The following SLC44A5 variants were observed in gnomAD, a reference collection of about 807,000 sequenced individuals.
SLC44A5 encodes choline transporter-like protein 5.
SLC44A5 carries 57 observed loss-of-function variants against 101.8 expected under a neutral mutation model. That is an observed-to-expected ratio of 0.56 (90% CI 0.45 to 0.70). The LOEUF (loss-of-function observed/expected upper bound fraction) is 0.70, where lower values mean the gene tolerates loss of function less well. Ranked by LOEUF, SLC44A5 falls within the 30% of genes least tolerant of loss-of-function variation. The probability of loss-of-function intolerance (pLI) is 0.00; values close to 1 mark genes in which losing one functional copy is unlikely to be tolerated. For missense variants in SLC44A5, 737 were observed against 853.1 expected, an observed-to-expected ratio of 0.86 and a Z score of 1.70; for synonymous variants, 281 against 290.9, an observed-to-expected ratio of 0.97 and a Z score of 0.35.
chr1:75,538,441 A>C (rs1284329089), intron 2 of SLC44A5, among the ~76,000 whole-genome samples: 1 of 152,204 alleles, frequency 6.6e-6, no homozygotes, highest in African/African-American at 2.4e-5. Context: ...CTCTGGAAAT[A>C]CTACTTACAA....
intron 2 of SLC44A5, among the ~76,000 whole-genome samples, chr1:75,474,841 T>A (rs1243387218): frequency 6.6e-6 from 1 of 152,222 alleles, no homozygotes. Flanking sequence ...ATATAACTGC[T>A]CTTTTCATAT....
intron 14 of SLC44A5, among the ~76,000 whole-genome samples, chr1:75,222,010 A>T (rs1355011521): frequency 1.4e-5 from 2 of 142,808 alleles, no homozygotes; most frequent in Non-Finnish European, 3.0e-5. Flanking sequence ...CCCAGGCTGG[A>T]GTGCAATGTC....
At chr1:75,655,115 T>C in the SLC44A5 span, among the ~76,000 whole-genome samples, 1 of 152,196 alleles carries the variant, frequency 6.6e-6, no homozygotes, top group Non-Finnish European at 1.5e-5. Flanking sequence ...CTAATGCTTC[T>C]GTTATCTTAT....
intron 2 of SLC44A5, among the ~76,000 whole-genome samples, chr1:75,438,410 G>C (rs1570277059): frequency 6.6e-6 from 1 of 152,142 alleles, no homozygotes; most frequent in East Asian, 1.9e-4. Context: ...AAGAACTGCT[G>C]GGTTTGCAGA....
At chr1:75,514,803 C>T (rs960687911) in intron 2 of SLC44A5, among the ~76,000 whole-genome samples, 1 of 152,110 alleles carries the variant, frequency 6.6e-6, no homozygotes, top group Non-Finnish European at 1.5e-5. Context: ...TTTTGGGGTA[C>T]CTGTTAAGAC....
chr1:75,376,707 A>G (rs1422443664), intron 3 of SLC44A5, among the ~76,000 whole-genome samples: 1 of 152,128 alleles, frequency 6.6e-6, no homozygotes, highest in African/African-American at 2.4e-5. Context: ...GACCAAAAGT[A>G]GATAAAACCA....
chr1:75,288,530 T>C (rs1653257432), intron 5 of SLC44A5, among the ~76,000 whole-genome samples: 1 of 152,202 alleles, frequency 6.6e-6, no homozygotes, highest in African/African-American at 2.4e-5. Flanking sequence ...GATGAATACA[T>C]CTCATATTTA....
At chr1:75,439,140 G>T (rs1442204497) in intron 2 of SLC44A5, among the ~76,000 whole-genome samples, 1 of 152,040 alleles carries the variant, frequency 6.6e-6, no homozygotes, top group Non-Finnish European at 1.5e-5. Flanking sequence ...GGGCAGATTT[G>T]TTATTGTGGG....
the SLC44A5 span, among the ~76,000 whole-genome samples, chr1:75,673,037 G>A: frequency 6.6e-6 from 1 of 152,134 alleles, no homozygotes; most frequent in Admixed American, 6.6e-5. Context: ...AGCTATGGTG[G>A]TTTTGAGAAA....
chr1:75,713,987 A>G, the SLC44A5 span, among the ~76,000 whole-genome samples: 1 of 151,310 alleles, frequency 6.6e-6, no homozygotes, highest in Admixed American at 6.6e-5. Context: ...CTTTTTGTAG[A>G]GATGGGATCT....
chr1:75,658,597 C>T, the SLC44A5 span, among the ~76,000 whole-genome samples: 2 of 152,148 alleles, frequency 1.3e-5, no homozygotes, highest in Admixed American at 6.5e-5. Context: ...GAAAATACAA[C>T]ATATCAAAAC....
chr1:75,372,113 C>G (rs768294333), intron 3 of SLC44A5, among the ~76,000 whole-genome samples: 9 of 147,794 alleles, frequency 6.1e-5, no homozygotes, highest in Non-Finnish European at 1.2e-4. Flanking sequence ...AGGAGAATTG[C>G]TTGAACCTGG....
intron 2 of SLC44A5, among the ~76,000 whole-genome samples, chr1:75,470,346 C>T (rs1300485577): frequency 6.6e-6 from 1 of 152,148 alleles, no homozygotes; most frequent in Admixed American, 6.5e-5. Context: ...TTGTGCCCTA[C>T]CTTATAAATG....
the SLC44A5 span, among the ~76,000 whole-genome samples, chr1:75,699,160 A>G: frequency 2.9e-4 from 44 of 152,104 alleles, no homozygotes; most frequent in Admixed American, 1.1e-3. Context: ...GAACACCACA[A>G]AGATACTCCT....
At chr1:75,467,597 G>A (rs1303923427) in intron 2 of SLC44A5, among the ~76,000 whole-genome samples, 1 of 152,048 alleles carries the variant, frequency 6.6e-6, no homozygotes, top group Non-Finnish European at 1.5e-5. Context: ...CAGTCTCTTC[G>A]ATAAATGATG....
At chr1:75,284,880 T>C (rs940347351) in intron 5 of SLC44A5, among the ~76,000 whole-genome samples, 6 of 152,104 alleles carry the variant, frequency 3.9e-5, no homozygotes, top group Admixed American at 2.6e-4. Flanking sequence ...TAATGTATTA[T>C]TGTTTTGATG....
chr1:75,242,449 G>A (rs748830651), intron 8 of SLC44A5, among the ~76,000 whole-genome samples: 2 of 151,704 alleles, frequency 1.3e-5, no homozygotes, highest in African/African-American at 2.4e-5. Flanking sequence ...ATTCTCTTAC[G>A]TATCTCAAAC....
intron 4 of SLC44A5, among the ~76,000 whole-genome samples, chr1:75,321,564 C>T (rs1209009014): frequency 6.6e-6 from 1 of 152,108 alleles, no homozygotes; most frequent in Non-Finnish European, 1.5e-5. Context: ...ATCCCAAAGG[C>T]CTTTACCTCC....
chr1:75,568,446 C>T lies in SLC44A5; in HGVS notation c.-69-26930G>A, dbSNP rs547371189. ...ATGAAGCAGAGCTCCGGCCAATAAGCTACCTAGCTAACCTCAATTCTGACT... is the reference window on the plus strand; with the variant it reads ...ATGAAGCAGAGCTCCGGCCAATAAGTTACCTAGCTAACCTCAATTCTGACT... On this transcript the variant is annotated intron_variant, in intron 1 of 23. Transcript: ENST00000370859. Among the ~76,000 whole-genome samples the T allele has an allele frequency of 8.1e-4, 124 of 152,272 alleles. 1 individual carries two copies. Among genetic ancestry groups the T allele is most frequent in the African/African-American group, 2.4e-3 (101 of 41,554 alleles).
Sources: allele counts gnomAD v4.1 joint callset (sites outside exome capture counted in the v4.1 genomes callset), GRCh38; gene constraint gnomAD v4.1.1; transcripts MANE v1.5; gene names NCBI Gene and HGNC (gene_info 2026-07-23, HGNC 2026-07-21).